PCDHGB3: variants seen among roughly 807,000 people sequenced by gnomAD.
PCDHGB3 encodes the protein protocadherin gamma subfamily B, 3.
Under a neutral mutation model 59.2 loss-of-function variants are expected in PCDHGB3, and 40 were observed. The ratio of observed to expected loss-of-function variants is 0.68; its 90% CI spans 0.52 to 0.88. The LOEUF (loss-of-function observed/expected upper bound fraction) is 0.88. Among genes scored for constraint, PCDHGB3 ranks in the 40% least tolerant of loss-of-function variants. The pLI, the probability that PCDHGB3 is intolerant of heterozygous loss-of-function variation, is 0.00. For synonymous variants in PCDHGB3, 581 were observed against 503.6 expected (o/e 1.15, Z -2.06); for missense variants, 1,309 against 1,187.9 (o/e 1.10, Z -1.50).
intron 1 of PCDHGB3, chr5:141,388,082 G>A (rs2091230905): frequency 2.9e-6 from 4 of 1,367,298 alleles, no homozygotes; most frequent in Non-Finnish European, 4.0e-6. Flanking sequence ...CTCGAAAACT[G>A]CGCGTCAGTT....
intron 1 of PCDHGB3, among the ~76,000 whole-genome samples, chr5:141,483,272 A>T (rs545719861): frequency 4.4e-4 from 67 of 152,196 alleles, no homozygotes; most frequent in African/African-American, 1.4e-3. Flanking sequence ...TGTTTTAGAA[A>T]TATTATTCTG....
chr5:141,386,345 AG>A (rs2090538065), intron 1 of PCDHGB3, among the ~76,000 whole-genome samples: 1 of 152,200 alleles, frequency 6.6e-6, no homozygotes, highest in Admixed American at 6.5e-5. Context: ...GTGGATGACA[AG>A]GTAATCTTGA....
In PCDHGB3 at chr5:141,511,519, C is replaced by G; in HGVS notation, c.*346C>G. 2.7e-6 allele frequency: 1 copy of G among 367,516 alleles called. No homozygotes were observed. Among genetic ancestry groups the G allele is most frequent in the African/African-American group, 2.1e-5 (1 of 48,286 alleles). 22.8% of individuals were successfully genotyped at this position (367,516 alleles called of 1,614,324 possible). A position where few individuals can be genotyped will look rare whatever the true frequency, so the allele number is the denominator to read the frequency against. ...CCAAATCAATCAGGCCCATCCATCC[C>G]ATGCCTCCCTCCTCCCCACCCCACT... On this transcript the variant is annotated 3_prime_UTR_variant, in exon 4 of 4. Coordinates refer to ENST00000576222, the MANE Select transcript of PCDHGB3 (RefSeq NM_018924.5).
chr5:141,448,974 C>T (rs937711828), intron 1 of PCDHGB3, among the ~76,000 whole-genome samples: 5 of 151,994 alleles, frequency 3.3e-5, no homozygotes, highest in African/African-American at 1.2e-4. Context: ...CAAAAAAGAA[C>T]TTCCATATTA....
chr5:141,478,073 G>A (rs756198123), intron 1 of PCDHGB3: 1 of 1,614,098 alleles, frequency 6.2e-7, no homozygotes, highest in Admixed American at 1.7e-5. Context: ...AGACAATGGG[G>A]AGCCTTCGCT....
chr5:141,462,983 T>C (rs530985795), intron 1 of PCDHGB3, among the ~76,000 whole-genome samples: 278 of 152,304 alleles, frequency 1.8e-3, no homozygotes, highest in Non-Finnish European at 3.4e-3. Flanking sequence ...AACTTTTGCC[T>C]TGGGCTAATT....
intron 1 of PCDHGB3, among the ~76,000 whole-genome samples, chr5:141,439,024 T>C (rs1278127532): frequency 2.0e-5 from 3 of 151,510 alleles, no homozygotes; most frequent in African/African-American, 7.3e-5. Flanking sequence ...ATTTTGAAAA[T>C]AGATGCCTCA....
At chr5:141,385,005 C>T in intron 1 of PCDHGB3, 1 of 1,614,138 alleles carries the variant, frequency 6.2e-7, no homozygotes, top group Non-Finnish European at 8.5e-7. Flanking sequence ...CAGTCTCCTG[C>T]GTCTTCCTAG....
intron 1 of PCDHGB3, chr5:141,374,038 T>C (rs1253900067): frequency 8.3e-6 from 12 of 1,449,244 alleles, no homozygotes; most frequent in South Asian, 1.6e-5. Context: ...GATGCAGATC[T>C]GTTCTTCCTC....
At chr5:141,404,878 T>C (rs748965325) in intron 1 of PCDHGB3, 88 of 1,613,722 alleles carry the variant, frequency 5.5e-5, no homozygotes, top group Non-Finnish European at 7.3e-5. Context: ...AACAGAGCCT[T>C]GTGGTGGCTG....
At position 141,486,653 on chromosome 5, in the gene PCDHGB3, C is replaced by A; in HGVS notation, c.2416-8154C>A. 1 of 1,613,968 alleles carries A rather than the reference C, an allele frequency of 6.2e-7. No homozygotes were observed. Among genetic ancestry groups the A allele is most frequent in the Non-Finnish European group, 8.5e-7 (1 of 1,180,034 alleles). On this transcript the variant is annotated intron_variant, in intron 1 of 3. Coordinates refer to ENST00000576222, the MANE Select transcript of PCDHGB3 (RefSeq NM_018924.5). This position sits in a 1 kb window ranked among gnomAD's most constrained non-coding sequence, Gnocchi z 5.0. ...CTTGAATGCGCTTATCTCCTACTCA[C>A]TCCTGGAGCCCAGGAATCGAGATGT... is the stretch of plus-strand genomic sequence containing the variant.
intron 1 of PCDHGB3, chr5:141,375,745 C>T (rs753247365): frequency 2.5e-6 from 4 of 1,614,238 alleles, no homozygotes; most frequent in Admixed American, 3.3e-5. Context: ...TTGTGCTGGA[C>T]CAGAATGACA....
chr5:141,429,955 A>G (rs971940539), intron 1 of PCDHGB3, among the ~76,000 whole-genome samples: 1 of 152,202 alleles, frequency 6.6e-6, no homozygotes, highest in Non-Finnish European at 1.5e-5. Context: ...TTTCCAGTCA[A>G]TGCAAGTTGG....
intron 1 of PCDHGB3, among the ~76,000 whole-genome samples, chr5:141,473,390 A>T (rs554428702): frequency 1.3e-5 from 2 of 152,190 alleles, no homozygotes; most frequent in Non-Finnish European, 2.9e-5. Flanking sequence ...GCCCTCCTGG[A>T]GCTTCTTTTT....
intron 1 of PCDHGB3, chr5:141,388,571 C>G: frequency 9.3e-6 from 15 of 1,613,830 alleles, no homozygotes; most frequent in Non-Finnish European, 1.2e-5. Flanking sequence ...CACAGATACA[C>G]GTTCTAGTGA....
chr5:141,376,399 GC>G, intron 1 of PCDHGB3: 4 of 1,614,182 alleles, frequency 2.5e-6, no homozygotes, highest in Non-Finnish European at 3.4e-6. Context: ...TTTTCCCCCA[GC>G]CCAACTATGC....
In PCDHGB3 at chr5:141,476,238, G is replaced by A; in HGVS notation, c.2416-18569G>A. The A allele has an allele frequency of 1.2e-6, 2 of 1,614,098 alleles. No individual in the cohort carries two copies. ...ATTCACTATGAGATCCCGGAGGAAAGAGAGAAGGGTTTCGCTGTGGGCAAC... is the reference window on the plus strand; with the variant it reads ...ATTCACTATGAGATCCCGGAGGAAAAAGAGAAGGGTTTCGCTGTGGGCAAC... On this transcript the variant is annotated intron_variant, in intron 1 of 3. Coordinates refer to ENST00000576222, the MANE Select transcript of PCDHGB3 (RefSeq NM_018924.5). The surrounding 1 kb of genome is among the most constrained non-coding windows in gnomAD (Gnocchi z 7.6).
chr5:141,409,577 G>A, intron 1 of PCDHGB3: 1 of 1,613,920 alleles, frequency 6.2e-7, no homozygotes, highest in South Asian at 1.1e-5. Context: ...GTCCTACGTG[G>A]TCCACGTGGC....
chr5:141,423,482 A>G, intron 1 of PCDHGB3: 2 of 1,613,968 alleles, frequency 1.2e-6, no homozygotes, highest in African/African-American at 1.3e-5. Flanking sequence ...GCTTTCCTGC[A>G]AACCTATTCC....
Sources: gnomAD v4.1 joint callset for allele counts (sites outside exome capture counted in the v4.1 genomes callset) on GRCh38, gnomAD v4.1.1 for gene constraint, Gnocchi (gnomAD v3.1) non-coding constraint, MANE v1.5 for transcripts, NCBI Gene and HGNC (gene_info 2026-07-23, HGNC 2026-07-21) for gene names.